NUDT3: variants seen among roughly 807,000 people sequenced by gnomAD.
NUDT3 encodes diphosphoinositol polyphosphate phosphohydrolase 1.
A neutral mutation model predicts 23.6 loss-of-function variants in NUDT3; 9 were observed. That is an observed-to-expected ratio of 0.38 (90% CI 0.23 to 0.66). The LOEUF is 0.66. Ranked by LOEUF, NUDT3 falls within the 30% of genes least tolerant of loss-of-function variation. The probability of loss-of-function intolerance (pLI) is 0.52; values close to 1 mark genes in which losing one functional copy is unlikely to be tolerated. For missense variants in NUDT3, 172 were observed against 218.5 expected (o/e 0.79, Z 1.34); for synonymous variants, 86 against 82.6 (o/e 1.04, Z -0.22).
At chr6:34,305,195 T>C (rs922694306) in intron 2 of NUDT3, among the ~76,000 whole-genome samples, 12 of 152,072 alleles carry the variant, frequency 7.9e-5, no homozygotes, top group African/African-American at 2.7e-4. Context: ...GTTGGCAGGC[T>C]GGTCTCGAAC....
In NUDT3 at chr6:34,363,588, A is replaced by G. The variant is rs139814272; in HGVS notation, c.100-21616T>C. 1.1e-3 allele frequency among the ~76,000 whole-genome samples: 162 copies of G among 152,312 alleles called. 1 individual carries two copies. Among genetic ancestry groups the G allele is most frequent in the African/African-American group, 3.5e-3 (145 of 41,558 alleles). On this transcript the variant is annotated intron_variant, in intron 1 of 4. Transcript: ENST00000607016. ...AACAGGGCCCAAAATAGATGTATTA[A>G]GCATGGGCTAGGTGAGAGTTCTGAT... is the stretch of plus-strand genomic sequence containing the variant.
At chr6:34,382,372 C>T (rs1206420906) in intron 1 of NUDT3, among the ~76,000 whole-genome samples, 1 of 152,188 alleles carries the variant, frequency 6.6e-6, no homozygotes, top group African/African-American at 2.4e-5. Flanking sequence ...CACTACACTC[C>T]AGCCTGGGTG....
At position 34,308,119 on chromosome 6, in the gene NUDT3, CAAAAAAAAAAAAAAAAAAAAAAAAAAA is replaced by C. The variant is rs533055608; in HGVS notation, c.211-12461_211-12435del. 8.0e-3 allele frequency among the ~76,000 whole-genome samples: 479 copies of C among 60,062 alleles called. 1 individual carries two copies. Among genetic ancestry groups the C allele is most frequent in the Middle Eastern group, 0.011 (1 of 88 alleles). The allele number at this position is 60,062 out of a possible 152,430, so 39.4% of individuals were successfully genotyped here. On this transcript the variant is annotated intron_variant, in intron 2 of 4. Coordinates refer to ENST00000607016, the MANE Select transcript of NUDT3 (RefSeq NM_006703.4). ...TGGGAGACACAGAGAAACTCTGTCTCAAAAAAAAAAAAAAAAAAAAAAAAAAAAAAAAAAAAAAAAAAAAAAAAAAGA... is the reference window on the plus strand; with the variant it reads ...TGGGAGACACAGAGAAACTCTGTCTCAAAAAAAAAAAAAAAAAAAAAAAGA...
At chr6:34,305,407 G>C (rs1763665152) in intron 2 of NUDT3, among the ~76,000 whole-genome samples, 1 of 152,142 alleles carries the variant, frequency 6.6e-6, no homozygotes, top group Admixed American at 6.5e-5. Flanking sequence ...TTATAAATCT[G>C]TGGTTATTTC....
chr6:34,362,898 A>C (rs993453866), intron 1 of NUDT3, among the ~76,000 whole-genome samples: 2 of 152,026 alleles, frequency 1.3e-5, no homozygotes, highest in South Asian at 4.2e-4. Flanking sequence ...TTCAGATGTG[A>C]CTCTAAAGCC....
Position 34,280,574 on chromosome 6 carries a change from C to T in NUDT3, c.*8179G>A, listed in dbSNP as rs1208005222. 1 of 152,198 alleles carries T rather than the reference C, an allele frequency of 6.6e-6. No individual in the cohort carries two copies. The highest frequency in any genetic ancestry group is 1.9e-4 in the East Asian group (1 of 5,202). The allele number at this position is 152,198 out of a possible 1,614,324, so 9.4% of individuals were successfully genotyped here. A position where few individuals can be genotyped will look rare whatever the true frequency, so the allele number is the denominator to read the frequency against. Reference sequence around the variant, plus strand: ...GCTCATTTGAGGTCATCCTTGCCATCCTCTTAAAAAATGACACAGCCTCTT... The same window carrying T: ...GCTCATTTGAGGTCATCCTTGCCATTCTCTTAAAAAATGACACAGCCTCTT... On this transcript the variant is annotated 3_prime_UTR_variant, in exon 5 of 5. Coordinates refer to ENST00000607016, the MANE Select transcript of NUDT3 (RefSeq NM_006703.4).
chr6:34,353,726 A>G (rs1764515061), intron 1 of NUDT3, among the ~76,000 whole-genome samples: 1 of 151,894 alleles, frequency 6.6e-6, no homozygotes, highest in Non-Finnish European at 1.5e-5. Context: ...TTTTTAAGAC[A>G]GGATCTCGTT....
At chr6:34,390,892 T>C (rs1299865172) in intron 1 of NUDT3, among the ~76,000 whole-genome samples, 1 of 152,194 alleles carries the variant, frequency 6.6e-6, no homozygotes, top group Non-Finnish European at 1.5e-5. Context: ...TTTACTTTAC[T>C]CAAATATGCA....
At chr6:34,332,252 C>G (rs1764139365) in intron 2 of NUDT3, among the ~76,000 whole-genome samples, 1 of 152,038 alleles carries the variant, frequency 6.6e-6, no homozygotes, top group South Asian at 2.1e-4. Flanking sequence ...GTATTATTTA[C>G]TATACTCTTA....
At chr6:34,352,673 G>A (rs1282114491) in intron 1 of NUDT3, among the ~76,000 whole-genome samples, 1 of 152,148 alleles carries the variant, frequency 6.6e-6, no homozygotes, top group Non-Finnish European at 1.5e-5. Flanking sequence ...CTCAAGGGCA[G>A]GTATTGTGTT....
chr6:34,301,430 G>A (rs751655745), intron 2 of NUDT3, among the ~76,000 whole-genome samples: 5 of 152,186 alleles, frequency 3.3e-5, no homozygotes, highest in Non-Finnish European at 7.3e-5. Flanking sequence ...CCAACAGAAT[G>A]TAGAAGAATG....
chr6:34,333,919 CA>C (rs1764166696), intron 2 of NUDT3, among the ~76,000 whole-genome samples: 1 of 152,230 alleles, frequency 6.6e-6, no homozygotes, highest in Admixed American at 6.5e-5. Flanking sequence ...ACAGAGTCAA[CA>C]GACACGTAAG....
chr6:34,291,426 C>T (rs1763420619), intron 4 of NUDT3, among the ~76,000 whole-genome samples: 1 of 152,144 alleles, frequency 6.6e-6, no homozygotes, highest in African/African-American at 2.4e-5. Flanking sequence ...AAAGGCGACA[C>T]TGATCCCCAG....
At chr6:34,391,710 T>C (rs959203859) in intron 1 of NUDT3, among the ~76,000 whole-genome samples, 17 of 152,314 alleles carry the variant, frequency 1.1e-4, no homozygotes, top group South Asian at 2.1e-4. Flanking sequence ...CAGCTGGCTA[T>C]GGCTTATGCA....
chr6:34,348,230 G>A (rs1764410193), intron 1 of NUDT3, among the ~76,000 whole-genome samples: 2 of 151,904 alleles, frequency 1.3e-5, no homozygotes. Context: ...AGGTTGCAGT[G>A]ACCCAAGATT....
At position 34,288,592 on chromosome 6, in the gene NUDT3, A is replaced by G. The variant is rs763899675; in HGVS notation, c.*161T>C. 7 of 992,134 alleles carry G rather than the reference A, an allele frequency of 7.1e-6. No individual in the cohort carries two copies. The highest frequency in any genetic ancestry group is 9.9e-6 in the Non-Finnish European group (7 of 704,302). 61.5% of individuals were successfully genotyped at this position (992,134 alleles called of 1,614,324 possible). ...AACAGAAGAAAAAGCCCCATCACTT[A>G]ACACCAAACAGCAACATTATCAATA... On this transcript the variant is annotated 3_prime_UTR_variant, in exon 5 of 5. Coordinates refer to ENST00000607016, the MANE Select transcript of NUDT3 (RefSeq NM_006703.4).
intron 1 of NUDT3, among the ~76,000 whole-genome samples, chr6:34,354,735 G>GTATATATATATATATA (rs142735114): frequency 2.5e-5 from 3 of 120,696 alleles, no homozygotes; most frequent in East Asian, 4.3e-4. Flanking sequence ...GGGGGAAAAA[G>GTATATATATATATATA]TATATATATA....
intron 2 of NUDT3, among the ~76,000 whole-genome samples, chr6:34,337,013 G>A (rs931221979): frequency 4.6e-5 from 7 of 152,148 alleles, no homozygotes; most frequent in African/African-American, 1.7e-4. Flanking sequence ...TCAAGTCTCC[G>A]ATTTCAAGTC....
intron 2 of NUDT3, among the ~76,000 whole-genome samples, chr6:34,329,529 C>T (rs1764094533): frequency 6.6e-6 from 1 of 152,136 alleles, no homozygotes; most frequent in Non-Finnish European, 1.5e-5. Context: ...GATCCGCCTG[C>T]CTTGGCCTCC....
Sources: allele counts gnomAD v4.1 joint callset (sites outside exome capture counted in the v4.1 genomes callset), GRCh38; gene constraint gnomAD v4.1.1; transcripts MANE v1.5; gene names NCBI Gene and HGNC (gene_info 2026-07-23, HGNC 2026-07-21).